The following CEP41 variants were observed in gnomAD, a reference collection of about 807,000 sequenced individuals.
The protein encoded by CEP41 is centrosomal protein of 41 kDa.
A neutral mutation model predicts 44.3 loss-of-function variants in CEP41; 32 were observed. The ratio of observed to expected loss-of-function variants is 0.72; its 90% CI spans 0.54 to 0.97. The LOEUF (loss-of-function observed/expected upper bound fraction) is 0.97, where lower values mean the gene tolerates loss of function less well. CEP41 is among the 50% of genes least tolerant of loss of function. CEP41 has a pLI of 0.00. For missense variants in CEP41, 432 were observed against 455.2 expected, an observed-to-expected ratio of 0.95 and a Z score of 0.46; for synonymous variants, 151 against 168.5, an observed-to-expected ratio of 0.90 and a Z score of 0.80.
At chr7:130,412,616 G>A (rs1041547248) in intron 3 of CEP41, among the ~76,000 whole-genome samples, 1 of 152,188 alleles carries the variant, frequency 6.6e-6, no homozygotes, top group African/African-American at 2.4e-5. Flanking sequence ...GGGAAGAAAT[G>A]TCCGTGTTTT....
chr7:130,398,932 A>G lies in CEP41; in HGVS notation c.1081T>C (p.Ser361Pro), dbSNP rs587780311. The change falls in exon 11 of 11, where the codon TCC becomes CCC. Residue 361 changes from serine to proline, a missense_variant. Ser to Pro is a moderately conservative substitution (Grantham distance 74). Transcript: ENST00000223208. ...CCTTGCAGGTGACCACTGCTGAGGGAGCGGGGGTTTGAGTGGCTGGCGGGG... is the reference window on the plus strand; with the variant it reads ...CCTTGCAGGTGACCACTGCTGAGGGGGCGGGGGTTTGAGTGGCTGGCGGGG... ...GGPASHSNPR[S>P]LSSGHLQGKP... 4.8e-5 allele frequency: 77 copies of G among 1,614,066 alleles called. No homozygotes were observed. The Middle Eastern group carries it at 1.6e-3, about 34-fold the overall frequency.
chr7:130,431,891 C>T (rs149649433), intron 1 of CEP41, among the ~76,000 whole-genome samples: 2 of 152,244 alleles, frequency 1.3e-5, no homozygotes, highest in Non-Finnish European at 2.9e-5. Flanking sequence ...GAACAGGTAC[C>T]ATTTTGCTCC....
intron 1 of CEP41, among the ~76,000 whole-genome samples, chr7:130,439,541 C>T (rs797043524): frequency 2.6e-5 from 4 of 152,298 alleles, no homozygotes; most frequent in African/African-American, 9.6e-5. Flanking sequence ...TTCCCCCCAC[C>T]CTCCAGGCTC....
At position 130,419,442 on chromosome 7, in the gene CEP41, C is replaced by T. The variant is rs140963517; in HGVS notation, c.98-2476G>A. ...AACTATGCAGCCTATCTTACTGTAT[C>T]TAATTGCATCTGAAGATAGTTTCTG... is the stretch of plus-strand genomic sequence containing the variant. On this transcript the variant is annotated intron_variant, in intron 2 of 10. Transcript: ENST00000223208. 3.6e-4 allele frequency: 359 copies of T among 985,166 alleles called. No individual in the cohort carries two copies. In the African/African-American group the frequency reaches 5.9e-3, roughly 16 times the overall value. 61.0% of individuals were successfully genotyped at this position (985,166 alleles called of 1,614,324 possible).
At chr7:130,408,534 C>T (rs1368750222) in intron 5 of CEP41, among the ~76,000 whole-genome samples, 1 of 152,134 alleles carries the variant, frequency 6.6e-6, no homozygotes, top group Non-Finnish European at 1.5e-5. Flanking sequence ...CTGTTAGATA[C>T]TATTTTTCAT....
intron 10 of CEP41, 198 bp downstream of exon 10, chr7:130,399,841 G>T (rs1796788730): frequency 7.2e-6 from 4 of 552,542 alleles, no homozygotes; most frequent in East Asian, 3.1e-5. Context: ...AAGTCGCTAT[G>T]TTTTGATAAA....
intron 10 of CEP41, 93 bp from the exon 11 acceptor site, chr7:130,399,132 A>G: frequency 6.6e-7 from 1 of 1,506,780 alleles, no homozygotes. Context: ...GTCCTAGCCT[A>G]CAACCACTTT....
rs1038907026 is a variant in CEP41, at chr7:130,418,987, A to T, written c.98-2021T>A. The T allele has an allele frequency of 9.7e-6, 9 of 927,298 alleles. No homozygotes were observed. The Admixed American group carries it at 5.6e-4, about 57-fold the overall frequency. The allele number at this position is 927,298 out of a possible 1,614,324, so 57.4% of individuals were successfully genotyped here. ...TTTATTATTGAAACACTGCATTTCC[A>T]AACCACAGTGGTTTCTACTAACAAA... is the stretch of plus-strand genomic sequence containing the variant. On this transcript the variant is annotated intron_variant, in intron 2 of 10. Transcript: ENST00000223208.
chr7:130,426,608 A>G, intron 2 of CEP41: 2 of 455,242 alleles, frequency 4.4e-6, no homozygotes, highest in Admixed American at 2.4e-5. Context: ...AAAATACAGC[A>G]TTTTAAATCT....
chr7:130,402,531 A>T, intron 7 of CEP41, 117 bp downstream of exon 7: 1 of 1,116,008 alleles, frequency 9.0e-7, no homozygotes, highest in East Asian at 2.4e-5. Context: ...TAATGGATCC[A>T]GCTAACATAC....
intron 3 of CEP41, among the ~76,000 whole-genome samples, chr7:130,416,672 C>T (rs1797347043): frequency 6.6e-6 from 1 of 152,210 alleles, no homozygotes; most frequent in African/African-American, 2.4e-5. Context: ...TCTGACTCTG[C>T]AGGCCAACAC....
chr7:130,419,200 T>C (rs1660423218), intron 2 of CEP41: 2 of 985,436 alleles, frequency 2.0e-6, no homozygotes, highest in Non-Finnish European at 1.2e-6. Flanking sequence ...TTTGGTGAAA[T>C]TCAGACCAAA....
chr7:130,401,179 T>C (rs782044714), intron 8 of CEP41: 10 of 244,426 alleles, frequency 4.1e-5, no homozygotes, highest in African/African-American at 9.1e-5. Flanking sequence ...CACTGAAGCC[T>C]ATTTATGACA....
At chr7:130,441,176 CGCGGGACGCCGGCTA>C, upstream of CEP41, 1 of 675,460 alleles carries the variant, frequency 1.5e-6, no homozygotes. Flanking sequence ...CCAAGGGCAA[CGCGGGACGCCGGCTA>C]GCGAGGCCTT....
Position 130,394,972 on chromosome 7 carries a change from C to T in CEP41, c.*3919G>A. 1 of 454,058 alleles carries T rather than the reference C, an allele frequency of 2.2e-6. No individual in the cohort carries two copies. Among genetic ancestry groups the T allele is most frequent in the South Asian group, 1.6e-5 (1 of 64,476 alleles). 28.1% of individuals were successfully genotyped at this position (454,058 alleles called of 1,614,324 possible). On this transcript the variant is annotated 3_prime_UTR_variant, in exon 11 of 11. Coordinates refer to ENST00000223208, the MANE Select transcript of CEP41 (RefSeq NM_018718.3). The stretch of plus-strand genomic sequence containing the variant: ...ACACAGGTGAGAATTTGCTTCTGTA[C>T]AGAACAAAGAGGATCAGCAACAGAG...
intron 5 of CEP41, among the ~76,000 whole-genome samples, chr7:130,410,022 C>T (rs1303945095): frequency 4.0e-5 from 3 of 74,494 alleles, no homozygotes; most frequent in Admixed American, 1.2e-4. Flanking sequence ...AAGCCTACCT[C>T]GGTCTTCTTT....
At position 130,396,065 on chromosome 7, in the gene CEP41, T is replaced by C; in HGVS notation, c.*2826A>G. On this transcript the variant is annotated 3_prime_UTR_variant, in exon 11 of 11. Transcript: ENST00000223208. ...CTTTTCTTCTCTCTGCCCTCCCTTCTTCCCATTTCCTTGCTTCTTTCTCCC... is the reference window on the plus strand; with the variant it reads ...CTTTTCTTCTCTCTGCCCTCCCTTCCTCCCATTTCCTTGCTTCTTTCTCCC... 2.2e-6 allele frequency: 1 copy of C among 454,052 alleles called. No individual in the cohort carries two copies. The highest frequency in any genetic ancestry group is 4.4e-6 in the Non-Finnish European group (1 of 226,780). The allele number at this position is 454,052 out of a possible 1,614,324, so 28.1% of individuals were successfully genotyped here. A position where few individuals can be genotyped will look rare whatever the true frequency, so the allele number is the denominator to read the frequency against.
intron 3 of CEP41, among the ~76,000 whole-genome samples, chr7:130,415,809 G>A (rs373207150): frequency 1.3e-5 from 2 of 152,080 alleles, no homozygotes; most frequent in African/African-American, 2.4e-5. Context: ...GAGTAAATGC[G>A]ATCTTTCTCC....
At chr7:130,430,667 G>A (rs1422047053) in intron 1 of CEP41, among the ~76,000 whole-genome samples, 1 of 152,130 alleles carries the variant, frequency 6.6e-6, no homozygotes, top group Non-Finnish European at 1.5e-5. Flanking sequence ...AAAAAACAGG[G>A]AAAGTATGTG....
Sources: gnomAD v4.1 joint callset for allele counts (sites outside exome capture counted in the v4.1 genomes callset) on GRCh38, gnomAD v4.1.1 for gene constraint, MANE v1.5 for transcripts, NCBI Gene and HGNC (gene_info 2026-07-23, HGNC 2026-07-21) for gene names.